The following MYRFL variants were observed in gnomAD, a reference collection of about 807,000 sequenced individuals.
The protein encoded by MYRFL is myelin regulatory factor like.
Under a neutral mutation model 109.4 loss-of-function variants are expected in MYRFL, and 88 were observed. The ratio of observed to expected loss-of-function variants is 0.80; its 90% CI spans 0.68 to 0.96. MYRFL has a LOEUF of 0.96. Ranked by LOEUF, MYRFL falls within the 40% of genes least tolerant of loss-of-function variation. The pLI is 0.00. For missense variants in MYRFL, 957 were observed against 954.9 expected, an observed-to-expected ratio of 1.00 and a Z score of -0.03; for synonymous variants, 324 against 320.9, an observed-to-expected ratio of 1.01 and a Z score of -0.10.
intron 1 of MYRFL, among the ~76,000 whole-genome samples, chr12:69,841,310 AC>A (rs1214857245): frequency 1.3e-5 from 2 of 152,190 alleles, no homozygotes; most frequent in African/African-American, 4.8e-5. Context: ...CTGGGGAATC[AC>A]CTAGATTTCT....
intron 1 of MYRFL, among the ~76,000 whole-genome samples, 178 bp from the exon 2 acceptor site, chr12:69,855,102 T>G (rs564689004): frequency 6.6e-6 from 1 of 152,360 alleles, no homozygotes; most frequent in African/African-American, 2.4e-5. Flanking sequence ...CTGCCATCCA[T>G]CCTTCCATCC....
At chr12:69,923,634 T>C (rs996596265) in intron 13 of MYRFL, among the ~76,000 whole-genome samples, 2 of 152,176 alleles carry the variant, frequency 1.3e-5, no homozygotes, top group Non-Finnish European at 2.9e-5. Context: ...ATCACTATTA[T>C]TACTAACAGT....
rs551437843 is a variant in MYRFL, at chr12:69,943,876, C to G, written c.2224+7244C>G. On this transcript the variant is annotated intron_variant, in intron 19 of 24. Coordinates refer to ENST00000552032, the MANE Select transcript of MYRFL (RefSeq NM_182530.3). ...GCCCCATCAAAAAGTGGATGAAGGA[C>G]ATGAACAGACACTTCTCAAAAGAAG... Among the ~76,000 whole-genome samples the G allele has an allele frequency of 2.0e-3, 297 of 152,166 alleles. 1 individual carries two copies. Among genetic ancestry groups the G allele is most frequent in the Non-Finnish European group, 3.7e-3 (251 of 68,002 alleles).
At chr12:69,856,002 A>G (rs1366487252) in intron 2 of MYRFL, among the ~76,000 whole-genome samples, 2 of 152,116 alleles carry the variant, frequency 1.3e-5, no homozygotes, top group African/African-American at 2.4e-5. Flanking sequence ...GAGTTTTGAC[A>G]AGTTCATAGT....
intron 15 of MYRFL, among the ~76,000 whole-genome samples, chr12:69,930,961 A>G (rs954309549): frequency 4.0e-4 from 61 of 152,280 alleles, no homozygotes; most frequent in African/African-American, 1.5e-3. Context: ...CACCATAGTA[A>G]TTCTATGCAC....
At chr12:69,936,932 G>A (rs543606813) in intron 19 of MYRFL, among the ~76,000 whole-genome samples, 3 of 152,160 alleles carry the variant, frequency 2.0e-5, no homozygotes, top group African/African-American at 7.2e-5. Flanking sequence ...TTACATGCAC[G>A]TGGGTGGATT....
chr12:69,954,235 A>C (rs1956049559), intron 21 of MYRFL, among the ~76,000 whole-genome samples: 1 of 152,060 alleles, frequency 6.6e-6, no homozygotes, highest in Non-Finnish European at 1.5e-5. Context: ...CCAAATACCA[A>C]TTTTTCAGCT....
intron 6 of MYRFL, among the ~76,000 whole-genome samples, chr12:69,889,465 AT>A (rs1886656002): frequency 6.6e-6 from 1 of 151,858 alleles, no homozygotes. Flanking sequence ...ACTTTTTTGG[AT>A]TTTGGAAGAT....
intron 10 of MYRFL, among the ~76,000 whole-genome samples, chr12:69,898,147 C>T (rs1306576882): frequency 6.6e-6 from 1 of 152,194 alleles, no homozygotes; most frequent in East Asian, 1.9e-4. Context: ...GGCTGTTAAC[C>T]TGAGGCCCTG....
At chr12:69,878,282 A>C (rs1885818681) in intron 2 of MYRFL, among the ~76,000 whole-genome samples, 2 of 151,698 alleles carry the variant, frequency 1.3e-5, no homozygotes. Flanking sequence ...TCAATATATA[A>C]AACAGAAAAA....
intron 1 of MYRFL, among the ~76,000 whole-genome samples, chr12:69,837,839 A>G (rs1883037916): frequency 6.6e-6 from 1 of 152,150 alleles, no homozygotes; most frequent in South Asian, 2.1e-4. Context: ...CACCTTTCAA[A>G]GTATGTAATG....
intron 1 of MYRFL, among the ~76,000 whole-genome samples, chr12:69,832,641 A>C (rs901501229): frequency 1.3e-5 from 2 of 152,116 alleles, no homozygotes; most frequent in African/African-American, 4.8e-5. Context: ...ATTTTAGGTA[A>C]AAAGAGCAAC....
At chr12:69,849,148 A>G (rs1046511090) in intron 1 of MYRFL, among the ~76,000 whole-genome samples, 2 of 152,254 alleles carry the variant, frequency 1.3e-5, no homozygotes, top group South Asian at 2.1e-4. Context: ...CTGGAATTAC[A>G]GGCGCGAGCC....
intron 19 of MYRFL, among the ~76,000 whole-genome samples, chr12:69,944,126 C>T (rs1229566595): frequency 8.0e-5 from 12 of 150,292 alleles, no homozygotes; most frequent in South Asian, 2.1e-4. Flanking sequence ...GTCAGTGAGG[C>T]GATTCCTCAG....
intron 1 of MYRFL, among the ~76,000 whole-genome samples, chr12:69,852,986 T>G (rs1339264380): frequency 6.6e-6 from 1 of 152,254 alleles, no homozygotes; most frequent in East Asian, 1.9e-4. Context: ...CGTCTACTTC[T>G]TTCTACACAG....
chr12:69,903,933 C>G, intron 11 of MYRFL, 89 bp downstream of exon 11: 1 of 1,168,916 alleles, frequency 8.6e-7, no homozygotes, highest in Non-Finnish European at 1.2e-6. Flanking sequence ...CCTTGAACCG[C>G]ACATCTTTAC....
At chr12:69,951,306 G>T (rs1955969959) in intron 19 of MYRFL, among the ~76,000 whole-genome samples, 1 of 151,914 alleles carries the variant, frequency 6.6e-6, no homozygotes, top group South Asian at 2.1e-4. Flanking sequence ...CAGCAGGTCT[G>T]ATTTCTTCTG....
intron 1 of MYRFL, among the ~76,000 whole-genome samples, chr12:69,848,017 T>A (rs1374359604): frequency 6.6e-6 from 1 of 152,130 alleles, no homozygotes; most frequent in Non-Finnish European, 1.5e-5. Context: ...TTTATCTAAA[T>A]CCTCCATACA....
chr12:69,895,479 G>A lies in MYRFL; in HGVS notation c.1089G>A (p.Gln363=). 1 of 1,535,080 alleles carries A rather than the reference G, an allele frequency of 6.5e-7. No homozygotes were observed. Among genetic ancestry groups the A allele is most frequent in the South Asian group, 1.2e-5 (1 of 84,038 alleles). The change falls in exon 9 of 25, where the codon CAG becomes CAA. Residue 363 remains glutamine (Q), a splice_region_variant and synonymous_variant. Coordinates refer to ENST00000552032, the MANE Select transcript of MYRFL (RefSeq NM_182530.3). The stretch of plus-strand genomic sequence containing the variant: ...AAAAGGGAAAACCAAATCCAGACCA[G>A]AGGTACTGATGTCACTGTGTGCATG... ...MRKKGKPNPD[Q]RYFMLVVGLY...
Sources: gnomAD v4.1 joint callset for allele counts (sites outside exome capture counted in the v4.1 genomes callset) on GRCh38, gnomAD v4.1.1 for gene constraint, MANE v1.5 for transcripts, NCBI Gene and HGNC (gene_info 2026-07-23, HGNC 2026-07-21) for gene names.